Variants in CWC22 observed in about 807,000 individuals in gnomAD.
CWC22 encodes the protein pre-mRNA-splicing factor CWC22 homolog.
A neutral mutation model predicts 117.2 loss-of-function variants in CWC22; 53 were observed. The observed-to-expected ratio is 0.45, with a 90% confidence interval of 0.36 to 0.57. The LOEUF is 0.57. Among genes scored for constraint, CWC22 ranks in the 20% least tolerant of loss-of-function variants. The pLI, the probability that CWC22 is intolerant of heterozygous loss-of-function variation, is 0.00. For synonymous variants in CWC22, 360 were observed against 355.6 expected (o/e 1.01, Z -0.14); for missense variants, 980 against 1,068.8 (o/e 0.92, Z 1.16).
intron 5 of CWC22, among the ~76,000 whole-genome samples, chr2:179,981,315 A>G (rs1687279796): frequency 6.6e-6 from 1 of 152,222 alleles, no homozygotes; most frequent in Non-Finnish European, 1.5e-5. Flanking sequence ...AATGACTCAC[A>G]GTGTAAAATA....
chr2:179,950,132 T>C (rs1316839919), intron 19 of CWC22, among the ~76,000 whole-genome samples: 1 of 152,170 alleles, frequency 6.6e-6, no homozygotes, highest in Admixed American at 6.5e-5. Context: ...AATGAATGTA[T>C]GATATATCTC....
At chr2:179,984,336 C>CA (rs1282167785) in intron 4 of CWC22, among the ~76,000 whole-genome samples, 6 of 151,916 alleles carry the variant, frequency 3.9e-5, no homozygotes, top group African/African-American at 1.4e-4. Flanking sequence ...GGAAAATATA[C>CA]AAAAAGCTTA....
intron 4 of CWC22, among the ~76,000 whole-genome samples, chr2:179,983,923 G>A (rs1687350728): frequency 1.3e-5 from 2 of 152,162 alleles, no homozygotes; most frequent in Admixed American, 1.3e-4. Flanking sequence ...AAGAGAGCTA[G>A]CTGGCTGATA....
At chr2:179,977,178 AT>A (rs1559292492) in intron 6 of CWC22, among the ~76,000 whole-genome samples, 1 of 151,992 alleles carries the variant, frequency 6.6e-6, no homozygotes, top group Non-Finnish European at 1.5e-5. Context: ...TATAAAAAAA[AT>A]TTTTTTTTAT....
At chr2:179,964,002 A>G (rs749705327) in intron 13 of CWC22, among the ~76,000 whole-genome samples, 5 of 152,158 alleles carry the variant, frequency 3.3e-5, no homozygotes, top group African/African-American at 7.2e-5. Context: ...TTCAAAGGGA[A>G]TAGGTTTTGT....
intron 8 of CWC22, among the ~76,000 whole-genome samples, chr2:179,972,734 G>T (rs1370809521): frequency 6.6e-6 from 1 of 152,126 alleles, no homozygotes; most frequent in Non-Finnish European, 1.5e-5. Context: ...ATGGCCAGGC[G>T]TGGTGGCTCA....
intron 4 of CWC22, among the ~76,000 whole-genome samples, chr2:179,982,603 A>G (rs1291299151): frequency 6.6e-6 from 1 of 152,200 alleles, no homozygotes; most frequent in East Asian, 1.9e-4. Context: ...TCTTGATAGA[A>G]CTAATATTTT....
At chr2:179,964,089 C>A (rs1296524123) in intron 13 of CWC22, among the ~76,000 whole-genome samples, 2 of 152,312 alleles carry the variant, frequency 1.3e-5, no homozygotes, top group South Asian at 2.1e-4. Flanking sequence ...AAGTCTAATT[C>A]CTATTTCTGT....
At chr2:179,973,315 G>A (rs919424675) in intron 7 of CWC22, 69 bp from the exon 8 acceptor site, 40 of 1,041,140 alleles carry the variant, frequency 3.8e-5, no homozygotes, top group Middle Eastern at 4.2e-4. Flanking sequence ...ATAATCTATG[G>A]CCTACTAACA....
chr2:179,970,726 A>T lies in CWC22; in HGVS notation c.1071T>A (p.Leu357=). The stretch of plus-strand genomic sequence containing the variant: ...ATTGATCATCTTCTTCCACCAAATC[A>T]AGACCTTCTAGGATAATGGGGTGGT... ...FKDHPIILEG[L]DLVEEDDQFT... Residue 357 remains leucine, a synonymous_variant, in exon 10 of 20, where the codon CTT becomes CTA. Coordinates refer to ENST00000410053, the MANE Select transcript of CWC22 (RefSeq NM_020943.3). 6.2e-7 allele frequency: 1 copy of T among 1,613,748 alleles called. No individual in the cohort carries two copies. Among genetic ancestry groups the T allele is most frequent in the Non-Finnish European group, 8.5e-7 (1 of 1,179,760 alleles).
chr2:179,994,991 G>A (rs1000061373), intron 1 of CWC22, among the ~76,000 whole-genome samples: 11 of 152,264 alleles, frequency 7.2e-5, no homozygotes, highest in African/African-American at 1.7e-4. Context: ...GGTGGCGGGC[G>A]CCTGTAGTCC....
chr2:179,951,874 G>A (rs1396708642), intron 17 of CWC22, among the ~76,000 whole-genome samples: 1 of 152,052 alleles, frequency 6.6e-6, no homozygotes, highest in Admixed American at 6.6e-5. Flanking sequence ...GTAGTCAACT[G>A]CATAAGTGAG....
At chr2:179,968,629 G>A (rs554497327) in intron 11 of CWC22, among the ~76,000 whole-genome samples, 29 of 151,484 alleles carry the variant, frequency 1.9e-4, no homozygotes, top group African/African-American at 6.8e-4. Flanking sequence ...GTGCAGTGGC[G>A]TGATCTTGGC....
chr2:179,960,480 A>C (rs1686723887), intron 13 of CWC22, among the ~76,000 whole-genome samples: 2 of 152,072 alleles, frequency 1.3e-5, no homozygotes, highest in Non-Finnish European at 2.9e-5. Flanking sequence ...AAATAATTAC[A>C]ACTACCTAAC....
chr2:179,945,323 T>G lies in CWC22; in HGVS notation c.2533A>C (p.Asn845His), dbSNP rs376717540. ...TTTGATCTATCTTTTCTTCTGAAATTTTCACTGTCTTTAATTCGGTGTGTA... is the reference window on the plus strand; with the variant it reads ...TTTGATCTATCTTTTCTTCTGAAATGTTCACTGTCTTTAATTCGGTGTGTA... ...KHTHRIKDSE[N>H]FRRKDRSKSK... The change falls in exon 20 of 20, where the codon AAT (asparagine) becomes CAT (histidine). Residue 845 changes from asparagine (N) to histidine (H), a missense_variant. Physicochemically the swap from Asn to His is moderately conservative, Grantham distance 68. Coordinates refer to ENST00000410053, the MANE Select transcript of CWC22 (RefSeq NM_020943.3). 30 of 1,613,490 alleles carry G rather than the reference T, an allele frequency of 1.9e-5. No homozygotes were observed. Among genetic ancestry groups the G allele is most frequent in the East Asian group, 1.8e-4 (8 of 44,860 alleles).
chr2:179,994,912 T>G (rs1244782675), intron 1 of CWC22, among the ~76,000 whole-genome samples: 1 of 152,096 alleles, frequency 6.6e-6, no homozygotes, highest in African/African-American at 2.4e-5. Context: ...GTCAGGAGAT[T>G]GACACCATCC....
In CWC22 at chr2:179,965,774, T is replaced by C. The variant is rs923399724; in HGVS notation, c.1315+104A>G. ...TCACCTCCTAGACGCCATCAGCAGCTGTCCTTGCTCTCCCCAAAGATTGAG... is the reference window on the plus strand; with the variant it reads ...TCACCTCCTAGACGCCATCAGCAGCCGTCCTTGCTCTCCCCAAAGATTGAG... On this transcript the variant is annotated intron_variant, in intron 12 of 19. Transcript: ENST00000410053. 22 of 985,444 alleles carry C rather than the reference T, an allele frequency of 2.2e-5. No individual in the cohort carries two copies. In the African/African-American group the frequency reaches 3.6e-4, roughly 16 times the overall value. 61.0% of individuals were successfully genotyped at this position (985,444 alleles called of 1,614,324 possible). A position where few individuals can be genotyped will look rare whatever the true frequency, so the allele number is the denominator to read the frequency against.
At chr2:179,947,145 A>G (rs1431149428) in intron 19 of CWC22, among the ~76,000 whole-genome samples, 1 of 152,204 alleles carries the variant, frequency 6.6e-6, no homozygotes, top group African/African-American at 2.4e-5. Context: ...TATGATAGAA[A>G]AGTGCCTCTT....
intron 8 of CWC22, among the ~76,000 whole-genome samples, chr2:179,972,733 C>T (rs574691658): frequency 4.6e-5 from 7 of 152,158 alleles, no homozygotes; most frequent in East Asian, 1.9e-4. Flanking sequence ...TATGGCCAGG[C>T]GTGGTGGCTC....
Sources: allele counts gnomAD v4.1 joint callset (sites outside exome capture counted in the v4.1 genomes callset), GRCh38; gene constraint gnomAD v4.1.1; transcripts MANE v1.5; gene names NCBI Gene and HGNC (gene_info 2026-07-23, HGNC 2026-07-21).